Variants in MACROD2 observed in about 807,000 individuals in gnomAD.
MACROD2 encodes mono-ADP ribosylhydrolase 2, also known as ADP-ribose glycohydrolase MACROD2.
A neutral mutation model predicts 70.4 loss-of-function variants in MACROD2; 36 were observed. The observed-to-expected ratio is 0.51, with a 90% CI of 0.39 to 0.68. MACROD2 has a LOEUF of 0.68. Ranked by LOEUF, MACROD2 falls within the 30% of genes least tolerant of loss-of-function variation. The pLI is 0.00. For synonymous variants in MACROD2, 172 were observed against 178.8 expected, an observed-to-expected ratio of 0.96 and a Z score of 0.30; for missense variants, 496 against 538.4, an observed-to-expected ratio of 0.92 and a Z score of 0.78.
At chr20:15,955,037 A>G (rs953175147) in intron 12 of MACROD2, among the ~76,000 whole-genome samples, 4 of 152,166 alleles carry the variant, frequency 2.6e-5, no homozygotes, top group African/African-American at 9.6e-5. Flanking sequence ...ATTGAAACAT[A>G]CTAAGGAGCT....
intron 2 of MACROD2, among the ~76,000 whole-genome samples, chr20:14,071,252 G>GTTTTTGTTTTTT (rs2053833822): frequency 1.6e-5 from 1 of 63,936 alleles, no homozygotes; most frequent in African/African-American, 6.3e-5. Flanking sequence ...TTCATCTTGT[G>GTTTTTGTTTTTT]TTTTTTTTTT....
chr20:15,898,692 T>C lies in MACROD2; in HGVS notation c.775+12881T>C, dbSNP rs148589030. On this transcript the variant is annotated intron_variant, in intron 10 of 17. Transcript: ENST00000684519. ...GCTCAAACTTGAGAACTGTTGTTCT[T>C]GAGTCTAGGTTACCTGGGGTTGGCA... 8.0e-4 allele frequency among the ~76,000 whole-genome samples: 122 copies of C among 152,228 alleles called. 2 individuals carry two copies. The highest frequency in any genetic ancestry group is 2.8e-3 in the African/African-American group (117 of 41,530).
intron 3 of MACROD2, among the ~76,000 whole-genome samples, chr20:14,486,215 C>T (rs983536517): frequency 2.6e-5 from 4 of 152,090 alleles, no homozygotes; most frequent in Non-Finnish European, 4.4e-5. Flanking sequence ...TGTCAGAACC[C>T]AGAAAAAGTC....
intron 5 of MACROD2, among the ~76,000 whole-genome samples, chr20:14,703,701 A>C (rs939372323): frequency 1.3e-5 from 2 of 152,024 alleles, no homozygotes; most frequent in African/African-American, 4.8e-5. Context: ...CGAGACCCTG[A>C]CTTATTTTAT....
chr20:15,137,506 C>T (rs535968410), intron 5 of MACROD2, among the ~76,000 whole-genome samples: 44 of 133,696 alleles, frequency 3.3e-4, no homozygotes, highest in African/African-American at 1.3e-3. Context: ...GGGAATTGAA[C>T]AATGAGAACA....
At chr20:15,355,543 C>T (rs2078276883) in intron 6 of MACROD2, among the ~76,000 whole-genome samples, 1 of 152,166 alleles carries the variant, frequency 6.6e-6, no homozygotes. Context: ...GGTTTCATTA[C>T]ATAGACAAGA....
At chr20:14,031,969 G>C (rs1318812225) in intron 2 of MACROD2, among the ~76,000 whole-genome samples, 1 of 152,062 alleles carries the variant, frequency 6.6e-6, no homozygotes, top group African/African-American at 2.4e-5. Context: ...GGTTAACCTA[G>C]ACAGTCTGGC....
rs2084220713 is a variant in MACROD2 at position 14,449,460 on chromosome 20, C to T, written c.272-44019C>T. On this transcript the variant is annotated intron_variant, in intron 3 of 17. Coordinates refer to ENST00000684519, the MANE Select transcript of MACROD2 (RefSeq NM_001351661.2). ...CCCATGTTAGACACTGTGCTAGGCT[C>T]TGAGAAAATTAGCATGAATGATTAA... Among the ~76,000 whole-genome samples the T allele has an allele frequency of 2.0e-5, 3 of 152,012 alleles. No individual in the cohort carries two copies. In the South Asian group the frequency reaches 6.2e-4, roughly 31 times the overall value.
At chr20:14,003,430 G>C (rs777661187) in intron 2 of MACROD2, 10 of 170,016 alleles carry the variant, frequency 5.9e-5, no homozygotes, top group Middle Eastern at 2.9e-3. Flanking sequence ...GGCAAGCGGG[G>C]TAGCAGCTCT....
chr20:15,636,259 G>A (rs1046848392), intron 8 of MACROD2, among the ~76,000 whole-genome samples: 3 of 151,972 alleles, frequency 2.0e-5, no homozygotes, highest in African/African-American at 7.3e-5. Flanking sequence ...AAGTGCTTGA[G>A]GTCTATAACA....
chr20:15,567,012 G>A (rs976589757), intron 8 of MACROD2, among the ~76,000 whole-genome samples: 2 of 151,192 alleles, frequency 1.3e-5, no homozygotes, highest in Admixed American at 1.3e-4. Flanking sequence ...TTTTTTTAAT[G>A]TTTTTTGTAT....
At chr20:15,365,528 G>A (rs1312122634) in intron 6 of MACROD2, among the ~76,000 whole-genome samples, 1 of 151,958 alleles carries the variant, frequency 6.6e-6, no homozygotes, top group African/African-American at 2.4e-5. Flanking sequence ...GGGCATGGTG[G>A]CATGTGCCTG....
intron 3 of MACROD2, among the ~76,000 whole-genome samples, chr20:14,449,788 G>A (rs1449401164): frequency 6.6e-6 from 1 of 152,122 alleles, no homozygotes; most frequent in Non-Finnish European, 1.5e-5. Flanking sequence ...CACATAGCTA[G>A]TAGTTATCAG....
At chr20:15,474,767 T>G (rs984200111) in intron 7 of MACROD2, among the ~76,000 whole-genome samples, 13 of 151,906 alleles carry the variant, frequency 8.6e-5, no homozygotes, top group Non-Finnish European at 8.8e-5. Flanking sequence ...AGTGGGGAGG[T>G]TGTCACCCTT....
At chr20:14,908,239 G>T (rs1295327855) in intron 5 of MACROD2, among the ~76,000 whole-genome samples, 1 of 152,152 alleles carries the variant, frequency 6.6e-6, no homozygotes, top group Non-Finnish European at 1.5e-5. Context: ...TACTCAGGAG[G>T]TTGAGGCAGG....
At chr20:15,204,991 TA>T (rs2076689431) in intron 5 of MACROD2, among the ~76,000 whole-genome samples, 1 of 152,142 alleles carries the variant, frequency 6.6e-6, no homozygotes, top group African/African-American at 2.4e-5. Context: ...TTAATTACTC[TA>T]CAGATAAAAT....
At chr20:15,220,945 T>A (rs1387419202) in intron 5 of MACROD2, among the ~76,000 whole-genome samples, 1 of 152,154 alleles carries the variant, frequency 6.6e-6, no homozygotes, top group African/African-American at 2.4e-5. Flanking sequence ...GAAGAGTCTT[T>A]CTTGTCCAGG....
At chr20:16,017,818 A>G (rs2066949245) in intron 15 of MACROD2, among the ~76,000 whole-genome samples, 1 of 152,240 alleles carries the variant, frequency 6.6e-6, no homozygotes, top group Non-Finnish European at 1.5e-5. Flanking sequence ...TATTTGGAGA[A>G]TGAATAAATG....
chr20:14,605,974 G>A (rs1982775071), intron 4 of MACROD2, among the ~76,000 whole-genome samples: 1 of 152,080 alleles, frequency 6.6e-6, no homozygotes, highest in Non-Finnish European at 1.5e-5. Flanking sequence ...ATAATAGAAT[G>A]AAAAATTTAT....
Sources: allele counts gnomAD v4.1 joint callset (sites outside exome capture counted in the v4.1 genomes callset), GRCh38; gene constraint gnomAD v4.1.1; transcripts MANE v1.5; gene names NCBI Gene and HGNC (gene_info 2026-07-23, HGNC 2026-07-21).